The following SLC26A9 variants were observed in gnomAD, a reference collection of about 807,000 sequenced individuals.
The protein encoded by SLC26A9 is solute carrier family 26 member 9.
Under a neutral mutation model 87.1 loss-of-function variants are expected in SLC26A9, and 46 were observed. The observed-to-expected ratio is 0.53, with a 90% CI of 0.42 to 0.67. The LOEUF is 0.67. SLC26A9 is among the 30% of genes least tolerant of loss of function. The pLI, the probability that SLC26A9 is intolerant of heterozygous loss-of-function variation, is 0.00. For synonymous variants in SLC26A9, 437 were observed against 409.1 expected (o/e 1.07, Z -0.82); for missense variants, 927 against 1,018.3 (o/e 0.91, Z 1.22).
At position 205,915,033 on chromosome 1, in the gene SLC26A9, T is replaced by C. The variant is rs995614238; in HGVS notation, c.*324A>G. Reference sequence around the variant, plus strand: ...CTCGTAAAAGCTGGAAGTCAAGGTGTCCTTCAGCTGCCAAGGACAGGGCAG... The same window carrying C: ...CTCGTAAAAGCTGGAAGTCAAGGTGCCCTTCAGCTGCCAAGGACAGGGCAG... On this transcript the variant is annotated 3_prime_UTR_variant, in exon 21 of 21. Coordinates refer to ENST00000367135, the MANE Select transcript of SLC26A9 (RefSeq NM_052934.4). 1.2e-6 allele frequency: 2 copies of C among 1,614,164 alleles called. No individual in the cohort carries two copies. The highest frequency in any genetic ancestry group is 1.7e-5 in the Admixed American group (1 of 60,022).
At chr1:205,927,466 C>G in intron 10 of SLC26A9, 26 bp downstream of exon 10, 1 of 1,608,542 alleles carries the variant, frequency 6.2e-7, no homozygotes, top group South Asian at 1.1e-5. Flanking sequence ...ACCACCTCCC[C>G]CCAACTCCCC....
intron 16 of SLC26A9, among the ~76,000 whole-genome samples, chr1:205,922,793 G>C (rs1320588497): frequency 6.6e-6 from 1 of 152,174 alleles, no homozygotes; most frequent in Non-Finnish European, 1.5e-5. Flanking sequence ...CAGCGACTTG[G>C]GAGGCTAAGG....
At position 205,915,237 on chromosome 1, in the gene SLC26A9, A is replaced by T; in HGVS notation, c.*120T>A. 4 of 1,600,152 alleles carry T rather than the reference A, an allele frequency of 2.5e-6. No individual in the cohort carries two copies. The highest frequency in any genetic ancestry group is 3.4e-6 in the Non-Finnish European group (4 of 1,171,820). ...GGAGAGAGGGGGAGAGGAGAGAGGA[A>T]CCCAAGCTCTGGGGGATGCACTTTC... On this transcript the variant is annotated 3_prime_UTR_variant, in exon 21 of 21. Transcript: ENST00000367135.
chr1:205,941,102 A>G (rs1267056645), intron 1 of SLC26A9, among the ~76,000 whole-genome samples: 4 of 152,178 alleles, frequency 2.6e-5, no homozygotes, highest in African/African-American at 7.2e-5. Context: ...GACCACATCC[A>G]TGGCAGGAGG....
At chr1:205,920,114 A>T (rs1658763727) in intron 18 of SLC26A9, 62 bp downstream of exon 18, 3 of 1,600,464 alleles carry the variant, frequency 1.9e-6, no homozygotes, top group African/African-American at 2.7e-5. Context: ...GACCCCACCA[A>T]CCTGTTCCTA....
chr1:205,927,474 C>T lies in SLC26A9; in HGVS notation c.1215+18G>A. ...TTCTCTTACCACCTCCCCCCAACTCCCCTAGAACAAGGCTCACCTGGGATT... is the reference window on the plus strand; with the variant it reads ...TTCTCTTACCACCTCCCCCCAACTCTCCTAGAACAAGGCTCACCTGGGATT... On this transcript the variant is annotated intron_variant, in intron 10 of 20. Coordinates refer to ENST00000367135, the MANE Select transcript of SLC26A9 (RefSeq NM_052934.4). 3 of 1,611,874 alleles carry T rather than the reference C, an allele frequency of 1.9e-6. No individual in the cohort carries two copies. The highest frequency in any genetic ancestry group is 1.1e-5 in the South Asian group (1 of 90,738).
chr1:205,932,681 C>A lies in SLC26A9; in HGVS notation c.376+21G>T, dbSNP rs374542356. 96 of 1,530,790 alleles carry A rather than the reference C, an allele frequency of 6.3e-5. 1 individual carries two copies. In the African/African-American group the frequency reaches 1.2e-3, roughly 19 times the overall value. The allele number at this position is 1,530,790 out of a possible 1,614,324, so 94.8% of individuals were successfully genotyped here. A position where few individuals can be genotyped will look rare whatever the true frequency, so the allele number is the denominator to read the frequency against. ...CTTGGGGTCTGGGTCATCCTGCCTG[C>A]CCAGAGGGGAGAGGCCTTACCTGGC... On this transcript the variant is annotated intron_variant, in intron 4 of 20. Coordinates refer to ENST00000367135, the MANE Select transcript of SLC26A9 (RefSeq NM_052934.4).
At chr1:205,921,241 G>A (rs1157916909) in intron 17 of SLC26A9, among the ~76,000 whole-genome samples, 1 of 152,188 alleles carries the variant, frequency 6.6e-6, no homozygotes, top group African/African-American at 2.4e-5. Context: ...GAGCCAAACC[G>A]GACCCTCCTC....
At chr1:205,915,518 CTG>C (rs113527464) in intron 20 of SLC26A9, 114 bp from the exon 21 acceptor site, 26,951 of 851,592 alleles carry the variant, frequency 0.032, 67 homozygotes, top group East Asian at 0.074. Context: ...AACAAAGCAC[CTG>C]TGTGTGTGTG....
chr1:205,928,205 A>G (rs879287667), intron 8 of SLC26A9, 156 bp from the exon 9 acceptor site: 5 of 848,510 alleles, frequency 5.9e-6, no homozygotes, highest in Non-Finnish European at 8.9e-6. Flanking sequence ...GCACCACCCC[A>G]TAGGGTAGGG....
Position 205,928,922 on chromosome 1 carries a change from G to C in SLC26A9, c.871-13C>G. 6.2e-7 allele frequency: 1 copy of C among 1,613,958 alleles called. No individual in the cohort carries two copies. The highest frequency in any genetic ancestry group is 8.5e-7 in the Non-Finnish European group (1 of 1,179,816). On this transcript the variant is annotated splice_polypyrimidine_tract_variant and intron_variant, in intron 7 of 20. Coordinates refer to ENST00000367135, the MANE Select transcript of SLC26A9 (RefSeq NM_052934.4). ...TTGCCACCACCACCTGCAAACCCCA[G>C]AGTGGAGAATGGGGATTGGCCCTAA...
At chr1:205,921,896 C>T (rs753070494) in intron 16 of SLC26A9, 49 bp from the exon 17 acceptor site, 3 of 1,570,590 alleles carry the variant, frequency 1.9e-6, no homozygotes, top group Non-Finnish European at 2.6e-6. Flanking sequence ...CAGACTGAGC[C>T]AGACCTTGCT....
intron 3 of SLC26A9, 23 bp downstream of exon 3, chr1:205,932,922 C>T: frequency 1.2e-6 from 2 of 1,613,260 alleles, no homozygotes; most frequent in Non-Finnish European, 8.5e-7. Context: ...GCAATCCAGG[C>T]CTGGCTGAAG....
chr1:205,927,878 C>T, intron 9 of SLC26A9, 24 bp downstream of exon 9: 2 of 1,610,942 alleles, frequency 1.2e-6, no homozygotes, highest in South Asian at 2.2e-5. Context: ...CCTGCCCAGT[C>T]CTGCCGGGGG....
chr1:205,926,102 T>G (rs998401000), intron 12 of SLC26A9, among the ~76,000 whole-genome samples: 4 of 151,834 alleles, frequency 2.6e-5, no homozygotes, highest in African/African-American at 9.7e-5. Context: ...TCTGGCTTTA[T>G]GTTCTAGGTT....
In SLC26A9 at chr1:205,927,596, C is replaced by T. The variant is rs757388396; in HGVS notation, c.1111G>A (p.Ala371Thr). 9 of 1,613,324 alleles carry T rather than the reference C, an allele frequency of 5.6e-6. No homozygotes were observed. Among genetic ancestry groups the T allele is most frequent in the Admixed American group, 1.7e-5 (1 of 59,948 alleles). Residue 371 changes from alanine (A) to threonine (T), a missense_variant, in exon 10 of 21, where the codon GCT becomes ACT. Ala to Thr is a moderately conservative substitution (Grantham distance 58). Transcript: ENST00000367135. ...CCAAAGAAGTTGCTGCAGCCGAGAG[C>T]GATCATCTCCTGCAGGGAGGGGACA... ...YDVDSNQEMI[A>T]LGCSNFFGSF...
rs2102585903 is a variant in SLC26A9 at position 205,927,186 on chromosome 1, T to C, written c.1293+25A>G. ...GTTCTTATTGGAGTCTTTCGTTGAC[T>C]TCTGCTCGATGGCTGGGCTCTTACC... is the stretch of plus-strand genomic sequence containing the variant. On this transcript the variant is annotated intron_variant, in intron 11 of 20. Coordinates refer to ENST00000367135, the MANE Select transcript of SLC26A9 (RefSeq NM_052934.4). 1.9e-6 allele frequency: 3 copies of C among 1,613,448 alleles called. No homozygotes were observed. In the South Asian group the frequency reaches 3.3e-5, roughly 18 times the overall value.
In SLC26A9 at chr1:205,915,161, C is replaced by T. The variant is rs773274241; in HGVS notation, c.*196G>A. The T allele has an allele frequency of 3.3e-5, 53 of 1,612,608 alleles. No homozygotes were observed. Among genetic ancestry groups the T allele is most frequent in the Admixed American group, 1.0e-4 (6 of 59,926 alleles). ...CTCTCACTCCTGTAAGGGTAGCACCCCCCTGCTGCTGAGAGGCTCTCTCTG... is the reference window on the plus strand; with the variant it reads ...CTCTCACTCCTGTAAGGGTAGCACCTCCCTGCTGCTGAGAGGCTCTCTCTG... On this transcript the variant is annotated 3_prime_UTR_variant, in exon 21 of 21. Coordinates refer to ENST00000367135, the MANE Select transcript of SLC26A9 (RefSeq NM_052934.4).
chr1:205,915,517 CCTGT>C lies in SLC26A9; in HGVS notation c.2329-117_2329-114del, dbSNP rs768088230. ...AGGAACCCCTGGCCAGAACAAAGCA[CCTGT>C]GTGTGTGTGTGTGTGTGTGTGTGTG... On this transcript the variant is annotated intron_variant, in intron 20 of 20. Coordinates refer to ENST00000367135, the MANE Select transcript of SLC26A9 (RefSeq NM_052934.4). 2.1e-4 allele frequency: 240 copies of C among 1,158,852 alleles called. 1 individual carries two copies. Among genetic ancestry groups the C allele is most frequent in the Non-Finnish European group, 2.5e-4 (208 of 828,550 alleles). 71.8% of individuals were successfully genotyped at this position (1,158,852 alleles called of 1,614,324 possible).
Sources: gnomAD v4.1 joint callset for allele counts (sites outside exome capture counted in the v4.1 genomes callset) on GRCh38, gnomAD v4.1.1 for gene constraint, MANE v1.5 for transcripts, NCBI Gene and HGNC (gene_info 2026-07-23, HGNC 2026-07-21) for gene names.